The following HDAC9 variants were observed in gnomAD, a reference collection of about 807,000 sequenced individuals.
HDAC9 encodes the protein MEF-2 interacting transcription repressor (MITR) protein.
In HDAC9, 41 loss-of-function variants were observed where a neutral mutation model predicts 139.4. That is an observed-to-expected ratio of 0.29 (90% confidence interval 0.23 to 0.38). HDAC9 has a LOEUF of 0.38. Among genes scored for constraint, HDAC9 ranks in the 10% least tolerant of loss-of-function variants. The pLI is 1.00. For missense variants in HDAC9, 1,147 were observed against 1,297.0 expected (o/e 0.88, Z 1.78); for synonymous variants, 517 against 476.2 (o/e 1.09, Z -1.12).
At chr7:18,278,867 T>C (rs1390250919) in intron 2 of HDAC9, among the ~76,000 whole-genome samples, 1 of 152,184 alleles carries the variant, frequency 6.6e-6, no homozygotes, top group African/African-American at 2.4e-5. Flanking sequence ...AAATAATTTC[T>C]TTTCTATTGA....
At chr7:18,902,675 C>T (rs1307610030) in intron 22 of HDAC9, among the ~76,000 whole-genome samples, 1 of 152,082 alleles carries the variant, frequency 6.6e-6, no homozygotes, top group Non-Finnish European at 1.5e-5. Flanking sequence ...TAAAAATATG[C>T]TTACCTCAGG....
intron 1 of HDAC9, among the ~76,000 whole-genome samples, chr7:18,366,558 C>G (rs1431387470): frequency 6.6e-6 from 1 of 152,058 alleles, no homozygotes; most frequent in Admixed American, 6.6e-5. Flanking sequence ...TATGGATACA[C>G]TATAAAAGAG....
chr7:18,844,967 G>A (rs1002765465), intron 21 of HDAC9, among the ~76,000 whole-genome samples: 1 of 151,916 alleles, frequency 6.6e-6, no homozygotes, highest in Non-Finnish European at 1.5e-5. Context: ...CTTCCTTTCC[G>A]GTAAATATGA....
intron 2 of HDAC9, among the ~76,000 whole-genome samples, chr7:18,202,084 T>C (rs1791174499): frequency 6.6e-6 from 1 of 152,242 alleles, no homozygotes. Flanking sequence ...TCTAGACCTC[T>C]GCCAGCACCC....
intron 2 of HDAC9, among the ~76,000 whole-genome samples, chr7:18,164,932 G>A (rs542813944): frequency 3.3e-5 from 5 of 152,234 alleles, no homozygotes; most frequent in South Asian, 4.1e-4. Context: ...TCTAACTTGT[G>A]CCAGCCAGTG....
intron 17 of HDAC9, among the ~76,000 whole-genome samples, chr7:18,796,947 C>CA (rs992748896): frequency 9.9e-5 from 15 of 151,784 alleles, no homozygotes; most frequent in African/African-American, 2.9e-4. Flanking sequence ...CAAACAAAAA[C>CA]AAAAAAAATC....
chr7:18,364,465 A>C (rs1784022929), intron 1 of HDAC9, among the ~76,000 whole-genome samples: 1 of 152,124 alleles, frequency 6.6e-6, no homozygotes, highest in African/African-American at 2.4e-5. Context: ...CAGTCAGAAA[A>C]TGGTGAGAAT....
chr7:18,601,307 A>C (rs143576193), intron 6 of HDAC9, among the ~76,000 whole-genome samples: 2 of 152,340 alleles, frequency 1.3e-5, no homozygotes, highest in Admixed American at 6.5e-5. Context: ...TGACTTTTGT[A>C]TATTAACTTT....
chr7:18,968,110 C>T (rs1163605095), intron 24 of HDAC9, among the ~76,000 whole-genome samples: 1 of 151,964 alleles, frequency 6.6e-6, no homozygotes, highest in Non-Finnish European at 1.5e-5. Context: ...TGCAGAGAGC[C>T]GAGATCGCGC....
At chr7:18,277,921 A>T (rs1160158178) in intron 2 of HDAC9, among the ~76,000 whole-genome samples, 1 of 152,206 alleles carries the variant, frequency 6.6e-6, no homozygotes, top group Non-Finnish European at 1.5e-5. Context: ...TTTTAAAAAA[A>T]CTTGTTATCG....
In HDAC9 at chr7:18,691,064, T is replaced by C. The variant is rs911236043; in HGVS notation, c.1731+24588T>C. 9.2e-5 allele frequency among the ~76,000 whole-genome samples: 14 copies of C among 152,212 alleles called. No individual in the cohort carries two copies. The East Asian group carries it at 2.3e-3, about 25-fold the overall frequency. On this transcript the variant is annotated intron_variant, in intron 12 of 25. Transcript: ENST00000686413. ...TCTTGGAAAATTCTGAGCAAAATGCTAATTTTATTTGCTTTGCAGTATTTA... is the reference window on the plus strand; with the variant it reads ...TCTTGGAAAATTCTGAGCAAAATGCCAATTTTATTTGCTTTGCAGTATTTA...
At chr7:18,679,820 C>T (rs761434870) in intron 12 of HDAC9, among the ~76,000 whole-genome samples, 219 of 151,746 alleles carry the variant, frequency 1.4e-3, no homozygotes, top group Non-Finnish European at 2.6e-3. Flanking sequence ...TTATTATTTA[C>T]ATTTTGTATA....
At chr7:18,556,241 A>G (rs1818759032) in intron 2 of HDAC9, among the ~76,000 whole-genome samples, 1 of 152,076 alleles carries the variant, frequency 6.6e-6, no homozygotes, top group Non-Finnish European at 1.5e-5. Flanking sequence ...AAGATAGGGT[A>G]AGATTTCACA....
chr7:18,174,907 C>A (rs748343506), intron 2 of HDAC9, among the ~76,000 whole-genome samples: 7 of 152,162 alleles, frequency 4.6e-5, no homozygotes. Flanking sequence ...GGCTACATGG[C>A]GGCCAGGGAC....
In HDAC9 at chr7:18,997,309, A is replaced by T. The variant is rs866946550; in HGVS notation, c.*1247A>T. 4.0e-5 allele frequency: 6 copies of T among 151,800 alleles called. No individual in the cohort carries two copies. The highest frequency in any genetic ancestry group is 1.4e-4 in the African/African-American group (6 of 41,408). The allele number at this position is 151,800 out of a possible 1,614,324, so 9.4% of individuals were successfully genotyped here. On this transcript the variant is annotated 3_prime_UTR_variant, in exon 26 of 26. Transcript: ENST00000686413. ...GCTGTGCCTTCTTGTGAAAAAAAAA[A>T]AAAACAAAAACAAAAAACAGCCTTT...
chr7:18,207,965 C>T (rs551855784), intron 2 of HDAC9, among the ~76,000 whole-genome samples: 25 of 152,178 alleles, frequency 1.6e-4, no homozygotes, highest in South Asian at 6.2e-4. Context: ...CTGCCTGCCT[C>T]GGCCTCCGAA....
Position 18,305,869 on chromosome 7 carries a change from G to C in HDAC9, c.-42+15354G>C, listed in dbSNP as rs538077638. Among the ~76,000 whole-genome samples, 10 of 152,134 alleles carry C rather than the reference G, an allele frequency of 6.6e-5. No homozygotes were observed. The South Asian group carries it at 2.1e-3, about 32-fold the overall frequency. ...TGAACTTGGAATGGGTTGGTGAAGGGAAGTACTTCCCAGGTTTTGAGGGAC... is the reference window on the plus strand; with the variant it reads ...TGAACTTGGAATGGGTTGGTGAAGGCAAGTACTTCCCAGGTTTTGAGGGAC... On this transcript the variant is annotated intron_variant, in intron 1 of 3. Coordinates refer to the HDAC9 transcript ENST00000413509.
chr7:18,864,634 AAAAACT>A (rs2129237487), intron 21 of HDAC9, among the ~76,000 whole-genome samples: 1 of 152,116 alleles, frequency 6.6e-6, no homozygotes, highest in East Asian at 1.9e-4. Flanking sequence ...AGGAAAGAAA[AAAAACT>A]AAGAGGATTG....
intron 2 of HDAC9, among the ~76,000 whole-genome samples, chr7:18,277,320 A>G (rs1393185004): frequency 1.3e-5 from 2 of 152,186 alleles, no homozygotes; most frequent in African/African-American, 4.8e-5. Context: ...CAGAGAAGGC[A>G]ACTGATCCAT....
Sources: allele counts gnomAD v4.1 joint callset (sites outside exome capture counted in the v4.1 genomes callset), GRCh38; gene constraint gnomAD v4.1.1; transcripts MANE v1.5; gene names NCBI Gene and HGNC (gene_info 2026-07-23, HGNC 2026-07-21).